The following SEMA3C variants were observed in gnomAD, a reference collection of about 807,000 sequenced individuals.
SEMA3C encodes the protein semaphorin-3C.
SEMA3C carries 47 observed loss-of-function variants against 89.4 expected under a neutral mutation model. The ratio of observed to expected loss-of-function variants is 0.53; its 90% CI spans 0.42 to 0.67. The LOEUF is 0.67. Ranked by LOEUF, SEMA3C falls within the 30% of genes least tolerant of loss-of-function variation. SEMA3C has a pLI of 0.00. For missense variants in SEMA3C, 839 were observed against 929.1 expected (o/e 0.90, Z 1.26); for synonymous variants, 310 against 320.2 (o/e 0.97, Z 0.34).
At chr7:80,889,759 T>C (rs1791569296) in intron 2 of SEMA3C, among the ~76,000 whole-genome samples, 1 of 152,182 alleles carries the variant, frequency 6.6e-6, no homozygotes, top group Non-Finnish European at 1.5e-5. Context: ...ATTCTTTTTT[T>C]CTTTATAGCA....
intron 2 of SEMA3C, among the ~76,000 whole-genome samples, chr7:80,859,047 T>C (rs929505684): frequency 6.6e-6 from 1 of 152,128 alleles, no homozygotes; most frequent in African/African-American, 2.4e-5. Flanking sequence ...TTTGAAACCT[T>C]TGAAACTCCC....
intron 11 of SEMA3C, among the ~76,000 whole-genome samples, chr7:80,792,917 A>G (rs2115607190): frequency 6.6e-6 from 1 of 152,316 alleles, no homozygotes; most frequent in Middle Eastern, 3.4e-3. Context: ...TGCCAAGAAT[A>G]AATCAGATGT....
At chr7:80,843,198 A>T (rs561017988) in intron 2 of SEMA3C, among the ~76,000 whole-genome samples, 6 of 152,290 alleles carry the variant, frequency 3.9e-5, no homozygotes, top group Admixed American at 1.3e-4. Flanking sequence ...GCTAGAAGAG[A>T]GGACCTGAAT....
intron 2 of SEMA3C, among the ~76,000 whole-genome samples, chr7:80,878,342 C>G (rs546185836): frequency 6.6e-6 from 1 of 152,158 alleles, no homozygotes; most frequent in Non-Finnish European, 1.5e-5. Context: ...TGCACCACTG[C>G]ACTCCAGCCT....
chr7:80,748,731 A>G (rs1225658509), intron 17 of SEMA3C, among the ~76,000 whole-genome samples, 167 bp downstream of exon 17: 2 of 152,126 alleles, frequency 1.3e-5, no homozygotes, highest in Non-Finnish European at 1.5e-5. Context: ...TAATCCATCA[A>G]TTCTTAAGGA....
chr7:80,815,554 C>CAAAAAAAAAAAAAAAAAA lies in SEMA3C; in HGVS notation c.447+2727_447+2744dup, dbSNP rs761990267. Among the ~76,000 whole-genome samples the CAAAAAAAAAAAAAAAAAA allele has an allele frequency of 7.6e-3, 445 of 58,676 alleles. 30 individuals are homozygous for CAAAAAAAAAAAAAAAAAA. The highest frequency in any genetic ancestry group is 0.012 in the Non-Finnish European group (360 of 30,734). The allele number at this position is 58,676 out of a possible 152,430, so 38.5% of individuals were successfully genotyped here. ...AAACCCAATCCTTTCTTTAAATGGG[C>CAAAAAAAAAAAAAAAAAA]AAAAAAAAAAAAAAAAAAAGTAAAT... On this transcript the variant is annotated intron_variant, in intron 5 of 17. Coordinates refer to ENST00000265361, the MANE Select transcript of SEMA3C (RefSeq NM_006379.5).
At chr7:80,842,775 A>G (rs1343130019) in intron 2 of SEMA3C, among the ~76,000 whole-genome samples, 1 of 152,156 alleles carries the variant, frequency 6.6e-6, no homozygotes, top group Admixed American at 6.6e-5. Flanking sequence ...ACTTTACAAG[A>G]TTAAGTCAAA....
At chr7:80,787,390 TAAAAA>T (rs1179102219) in intron 12 of SEMA3C, among the ~76,000 whole-genome samples, 1 of 99,870 alleles carries the variant, frequency 1.0e-5, no homozygotes, top group Admixed American at 1.2e-4. Context: ...AGACTCCGTT[TAAAAA>T]AAAAAAAAAA....
intron 2 of SEMA3C, among the ~76,000 whole-genome samples, chr7:80,830,272 A>G (rs1213960727): frequency 1.3e-5 from 2 of 152,180 alleles, no homozygotes; most frequent in Admixed American, 1.3e-4. Context: ...TAATTTCCTC[A>G]TTTGTAAAAT....
intron 8 of SEMA3C, 103 bp from the exon 9 acceptor site, chr7:80,802,882 G>T: frequency 1.4e-6 from 1 of 697,458 alleles, no homozygotes. Flanking sequence ...AAAATCTGAA[G>T]AATGGATATG....
chr7:80,770,515 T>G (rs538757571), intron 12 of SEMA3C, among the ~76,000 whole-genome samples: 5 of 152,378 alleles, frequency 3.3e-5, no homozygotes, highest in African/African-American at 1.2e-4. Flanking sequence ...TTTGCTATTG[T>G]GTAAAACGTA....
intron 2 of SEMA3C, among the ~76,000 whole-genome samples, chr7:80,901,373 C>A (rs1242963418): frequency 1.3e-5 from 2 of 152,144 alleles, no homozygotes; most frequent in African/African-American, 4.8e-5. Context: ...TCCAGGGAAG[C>A]ACCACAGCTG....
chr7:80,889,265 G>A (rs917042337), intron 2 of SEMA3C, among the ~76,000 whole-genome samples: 3 of 152,034 alleles, frequency 2.0e-5, no homozygotes, highest in Admixed American at 2.0e-4. Flanking sequence ...ATTCTTTTAG[G>A]TATAATAAAT....
intron 12 of SEMA3C, among the ~76,000 whole-genome samples, chr7:80,781,598 G>T (rs2117093415): frequency 6.6e-6 from 1 of 152,246 alleles, no homozygotes; most frequent in East Asian, 1.9e-4. Context: ...CATAGGGAAG[G>T]CCTGGCCTGG....
At chr7:80,810,466 T>C (rs1789441162) in intron 6 of SEMA3C, 145 bp downstream of exon 6, 3 of 544,840 alleles carry the variant, frequency 5.5e-6, no homozygotes, top group Admixed American at 3.5e-5. Flanking sequence ...GAAACTGAAC[T>C]CTCTATTTCT....
chr7:80,831,302 T>C (rs1214171171), intron 2 of SEMA3C, among the ~76,000 whole-genome samples: 2 of 152,186 alleles, frequency 1.3e-5, no homozygotes, highest in African/African-American at 4.8e-5. Flanking sequence ...GTCCTTATCT[T>C]TAAAATCAGT....
chr7:80,797,997 C>CA lies in SEMA3C; in HGVS notation c.1131+94dup, dbSNP rs969625666. ...TGGGCAACAGAGTGAGACTCCGTCT[C>CA]AAAAAAAAACCCCAAAAAACCCCAC... On this transcript the variant is annotated intron_variant, in intron 11 of 17. Coordinates refer to ENST00000265361, the MANE Select transcript of SEMA3C (RefSeq NM_006379.5). 1.8e-3 allele frequency: 2,188 copies of CA among 1,242,984 alleles called. 1 individual carries two copies. The highest frequency in any genetic ancestry group is 1.9e-3 in the South Asian group (131 of 68,126). 77.0% of individuals were successfully genotyped at this position (1,242,984 alleles called of 1,614,324 possible). A position where few individuals can be genotyped will look rare whatever the true frequency, so the allele number is the denominator to read the frequency against.
At chr7:80,799,070 GA>G (rs1166330668) in intron 10 of SEMA3C, among the ~76,000 whole-genome samples, 9 of 152,054 alleles carry the variant, frequency 5.9e-5, no homozygotes, top group Admixed American at 2.0e-4. Flanking sequence ...TCGTTTTATT[GA>G]AAACAACATT....
At chr7:80,819,874 T>C (rs562484195) in intron 4 of SEMA3C, among the ~76,000 whole-genome samples, 63 of 152,252 alleles carry the variant, frequency 4.1e-4, no homozygotes, top group African/African-American at 1.4e-3. Context: ...CAATCAAGCC[T>C]GAGATTGAAT....
Sources: gnomAD v4.1 joint callset for allele counts (sites outside exome capture counted in the v4.1 genomes callset) on GRCh38, gnomAD v4.1.1 for gene constraint, MANE v1.5 for transcripts, NCBI Gene and HGNC (gene_info 2026-07-23, HGNC 2026-07-21) for gene names.